The following PIK3C2B variants were observed in gnomAD, a reference collection of about 807,000 sequenced individuals.
PIK3C2B encodes the protein phosphatidylinositol 4-phosphate 3-kinase C2 domain-containing subunit beta.
In PIK3C2B, 83 loss-of-function variants were observed where a neutral mutation model predicts 184.3. The ratio of observed to expected loss-of-function variants is 0.45; its 90% confidence interval spans 0.38 to 0.54. The LOEUF is 0.54. Among genes scored for constraint, PIK3C2B ranks in the 20% least tolerant of loss-of-function variants. The pLI is 0.00. For synonymous variants in PIK3C2B, 779 were observed against 837.6 expected, an observed-to-expected ratio of 0.93 and a Z score of 1.21; for missense variants, 1,736 against 2,113.5, an observed-to-expected ratio of 0.82 and a Z score of 3.50.
chr1:204,458,847 C>T (rs558092026), intron 8 of PIK3C2B, among the ~76,000 whole-genome samples: 38 of 152,148 alleles, frequency 2.5e-4, no homozygotes, highest in African/African-American at 8.2e-4. Context: ...TAGCAAAGGG[C>T]CAGAACAGCA....
At chr1:204,493,524 A>AACACACACACACACACACACACAC (rs3038310) in intron 1 of PIK3C2B, among the ~76,000 whole-genome samples, 1,896 of 143,924 alleles carry the variant, frequency 0.013, 28 homozygotes, top group Middle Eastern at 0.039. Context: ...AATGGCAGAA[A>AACACACACACACACACACACACAC]ACACACACAC....
At chr1:204,453,581 G>A (rs936593846) in intron 12 of PIK3C2B, among the ~76,000 whole-genome samples, 2 of 152,174 alleles carry the variant, frequency 1.3e-5, no homozygotes, top group African/African-American at 4.8e-5. Context: ...TCACTCCTGG[G>A]AATCCAAGCT....
chr1:204,448,615 G>A (rs1343673622), intron 14 of PIK3C2B, among the ~76,000 whole-genome samples: 1 of 137,120 alleles, frequency 7.3e-6, no homozygotes, highest in Non-Finnish European at 1.6e-5. Flanking sequence ...TCCAGCCTGG[G>A]TGACAGAGAT....
At chr1:204,479,473 C>A (rs1371163151) in intron 1 of PIK3C2B, among the ~76,000 whole-genome samples, 1 of 152,146 alleles carries the variant, frequency 6.6e-6, no homozygotes, top group Admixed American at 6.5e-5. Flanking sequence ...TTCACACCAG[C>A]CCATCCTGTA....
intron 23 of PIK3C2B, 114 bp downstream of exon 23, chr1:204,438,821 G>A: frequency 1.7e-6 from 2 of 1,208,120 alleles, no homozygotes; most frequent in South Asian, 1.5e-5. Context: ...AGGTCCTTCT[G>A]CCAACAAAGC....
At chr1:204,431,385 G>A in intron 28 of PIK3C2B, 1 of 470,536 alleles carries the variant, frequency 2.1e-6, no homozygotes, top group South Asian at 2.5e-5. Flanking sequence ...TTATCCATTT[G>A]AAAAATGGTG....
chr1:204,493,524 AACACACAC>A (rs3038310), intron 1 of PIK3C2B, among the ~76,000 whole-genome samples: 28 of 143,900 alleles, frequency 1.9e-4, no homozygotes, highest in African/African-American at 6.8e-4. Context: ...AATGGCAGAA[AACACACAC>A]ACACACACAC....
At position 204,433,252 on chromosome 1, in the gene PIK3C2B, C is replaced by T; in HGVS notation, c.3953+64G>A. 1.1e-6 allele frequency: 1 copy of T among 907,188 alleles called. No individual in the cohort carries two copies. The highest frequency in any genetic ancestry group is 1.8e-6 in the Non-Finnish European group (1 of 555,014). The allele number at this position is 907,188 out of a possible 1,614,324, so 56.2% of individuals were successfully genotyped here. On this transcript the variant is annotated intron_variant, in intron 26 of 32. Transcript: ENST00000684373. The surrounding 1 kb of genome is among the most constrained non-coding windows in gnomAD (Gnocchi z 5.0). ...CACCTTTCCCCAGTCCTCCTCCTGC[C>T]AATCCGGCAGGCTGGGAATTACTCA...
chr1:204,464,143 T>A lies in PIK3C2B; in HGVS notation c.1190-11A>T. 1.2e-6 allele frequency: 2 copies of A among 1,613,346 alleles called. No individual in the cohort carries two copies. The highest frequency in any genetic ancestry group is 1.7e-6 in the Non-Finnish European group (2 of 1,179,660). Reference sequence around the variant, plus strand: ...CTACAGTGGAGGAACCTGTGAAGGGTAAGGTAGGGGGAGCAATCATGATGG... The same window carrying A: ...CTACAGTGGAGGAACCTGTGAAGGGAAAGGTAGGGGGAGCAATCATGATGG... On this transcript the variant is annotated splice_polypyrimidine_tract_variant and intron_variant, in intron 4 of 32. Coordinates refer to ENST00000684373, the MANE Select transcript of PIK3C2B (RefSeq NM_001377334.1).
intron 26 of PIK3C2B, 84 bp from the exon 27 acceptor site, chr1:204,432,485 G>T: frequency 1.0e-6 from 1 of 986,762 alleles, no homozygotes; most frequent in South Asian, 1.4e-5. Flanking sequence ...GAATATTCCT[G>T]ACTCCTGAGA....
chr1:204,457,662 G>A (rs1256807841), intron 9 of PIK3C2B, 66 bp downstream of exon 9: 2 of 1,483,190 alleles, frequency 1.3e-6, no homozygotes, highest in Non-Finnish European at 1.8e-6. Context: ...TCTAGCAACA[G>A]GCAACTCAGT....
intron 27 of PIK3C2B, 126 bp downstream of exon 27, chr1:204,432,074 T>G (rs1675091220): frequency 1.2e-6 from 1 of 869,464 alleles, no homozygotes; most frequent in African/African-American, 1.6e-5. Flanking sequence ...GGTCCAGGAC[T>G]GCTCCCAGCA....
intron 1 of PIK3C2B, among the ~76,000 whole-genome samples, chr1:204,473,056 G>T (rs1460364771): frequency 6.6e-6 from 1 of 152,164 alleles, no homozygotes; most frequent in African/African-American, 2.4e-5. Context: ...CACCCAACAG[G>T]TAACAAACAT....
rs116456506 is a variant in PIK3C2B, at chr1:204,450,176, G to A, written c.2067-159C>T. On this transcript the variant is annotated intron_variant, in intron 12 of 32. Coordinates refer to ENST00000684373, the MANE Select transcript of PIK3C2B (RefSeq NM_001377334.1). Reference sequence around the variant, plus strand: ...AAGCCCTCCTCCTGCAGAACCAGGAGAGGTCCCAAACTAGGCAAAACCCCC... The same window carrying A: ...AAGCCCTCCTCCTGCAGAACCAGGAAAGGTCCCAAACTAGGCAAAACCCCC... 3,290 of 608,474 alleles carry A rather than the reference G, an allele frequency of 5.4e-3. 8 individuals carry two copies. Among genetic ancestry groups the A allele is most frequent in the Middle Eastern group, 0.013 (32 of 2,522 alleles). The allele number at this position is 608,474 out of a possible 1,614,324, so 37.7% of individuals were successfully genotyped here. A position where few individuals can be genotyped will look rare whatever the true frequency, so the allele number is the denominator to read the frequency against.
chr1:204,486,830 T>C (rs968889565), intron 1 of PIK3C2B, among the ~76,000 whole-genome samples: 1 of 152,218 alleles, frequency 6.6e-6, no homozygotes, highest in Non-Finnish European at 1.5e-5. Flanking sequence ...GTTTTTGAGA[T>C]GGAGTCTCGC....
chr1:204,432,004 T>C (rs1675087873), intron 27 of PIK3C2B, among the ~76,000 whole-genome samples, 196 bp downstream of exon 27: 1 of 152,126 alleles, frequency 6.6e-6, no homozygotes, highest in South Asian at 2.1e-4. Context: ...TCAGAGGGAA[T>C]AACCATCCAA....
At chr1:204,443,340 G>A in intron 19 of PIK3C2B, 77 bp downstream of exon 19, 2 of 1,405,366 alleles carry the variant, frequency 1.4e-6, no homozygotes, top group Non-Finnish European at 2.0e-6. Context: ...GAATCTTGTT[G>A]TTCAGGATTC....
At chr1:204,432,100 A>C in intron 27 of PIK3C2B, 100 bp downstream of exon 27, 1 of 1,075,828 alleles carries the variant, frequency 9.3e-7, no homozygotes, top group Non-Finnish European at 1.4e-6. Context: ...CGCTCGGTCA[A>C]CTCCTGTGCC....
Position 204,469,399 on chromosome 1 carries a change from T to C in PIK3C2B, c.404A>G (p.Asp135Gly). ...GDYLYIFDGS[D>G]GGVSSSPGPG... is the part of the protein sequence containing the mutation. Reference sequence around the variant, plus strand: ...TCCTGGGGACGAAGAGACTCCCCCATCTGAACCATCAAAAATGTAGAGATA... The same window carrying C: ...TCCTGGGGACGAAGAGACTCCCCCACCTGAACCATCAAAAATGTAGAGATA... The change falls in exon 2 of 33, where the codon GAT becomes GGT. Residue 135 changes from aspartate (D) to glycine (G), a missense_variant. By Grantham distance (94) the Asp-to-Gly change is moderately conservative (BLOSUM62 -1). This residue lies in a region of PIK3C2B where 404 missense variants were observed against 418.0 expected (regional missense o/e 0.97). Coordinates refer to ENST00000684373, the MANE Select transcript of PIK3C2B (RefSeq NM_001377334.1). The C allele has an allele frequency of 6.5e-7, 1 of 1,544,332 alleles. No individual in the cohort carries two copies. Among genetic ancestry groups the C allele is most frequent in the Non-Finnish European group, 8.7e-7 (1 of 1,150,412 alleles).
Sources: allele counts gnomAD v4.1 joint callset (sites outside exome capture counted in the v4.1 genomes callset), GRCh38; gene constraint gnomAD v4.1.1; regional missense constraint gnomAD v4.1.1; non-coding constraint Gnocchi (gnomAD v3.1); transcripts MANE v1.5; gene names NCBI Gene and HGNC (gene_info 2026-07-23, HGNC 2026-07-21).